Variants in PCDHA10 observed in about 807,000 individuals in gnomAD.
The protein encoded by PCDHA10 is protocadherin alpha-10.
PCDHA10 carries 45 observed loss-of-function variants against 61.2 expected under a neutral mutation model. That is an observed-to-expected ratio of 0.74 (90% CI 0.58 to 0.94). The LOEUF is 0.94. Among genes scored for constraint, PCDHA10 ranks in the 40% least tolerant of loss-of-function variants. The pLI is 0.00. For missense variants in PCDHA10, 1,278 were observed against 1,236.2 expected (o/e 1.03, Z -0.51); for synonymous variants, 602 against 548.8 (o/e 1.10, Z -1.35).
At position 141,010,550 on chromosome 5, in the gene PCDHA10, ACCCC is replaced by A; in HGVS notation, c.*615_*618del. 6.3e-6 allele frequency: 2 copies of A among 316,712 alleles called. No homozygotes were observed. Among genetic ancestry groups the A allele is most frequent in the South Asian group, 1.1e-4 (2 of 17,516 alleles). The allele number at this position is 316,712 out of a possible 1,614,324, so 19.6% of individuals were successfully genotyped here. A position where few individuals can be genotyped will look rare whatever the true frequency, so the allele number is the denominator to read the frequency against. On this transcript the variant is annotated 3_prime_UTR_variant, in exon 4 of 4. Coordinates refer to ENST00000307360, the MANE Select transcript of PCDHA10 (RefSeq NM_018901.4). ...CAGCCACCCTCTAGGAGACAAAACT[ACCCC>A]CACTGACAAGGCTTTAGGAGACCCT...
At chr5:140,870,092 C>T (rs2051656113) in intron 1 of PCDHA10, 2 of 1,613,728 alleles carry the variant, frequency 1.2e-6, no homozygotes, top group African/African-American at 1.3e-5. Context: ...CCCCCAATGG[C>T]AGGTCACTGT....
intron 1 of PCDHA10, chr5:140,869,260 G>A (rs976245495): frequency 6.2e-7 from 1 of 1,613,638 alleles, no homozygotes; most frequent in Non-Finnish European, 8.5e-7. Context: ...GCAGGACCTG[G>A]GGCTGGAGCT....
intron 3 of PCDHA10, among the ~76,000 whole-genome samples, chr5:140,998,872 T>C (rs1159101161): frequency 6.6e-6 from 1 of 152,202 alleles, no homozygotes; most frequent in African/African-American, 2.4e-5. Flanking sequence ...TTGTAAATAA[T>C]AAGTTTAGTT....
chr5:140,862,794 G>A (rs1554156969), intron 1 of PCDHA10: 1 of 575,742 alleles, frequency 1.7e-6, no homozygotes, highest in Non-Finnish European at 3.3e-6. Flanking sequence ...ACTACGAGGA[G>A]CTGGAGCTGC....
Position 140,995,490 on chromosome 5 carries a change from A to C in PCDHA10, c.2536+12927A>C, listed in dbSNP as rs181247682. Among the ~76,000 whole-genome samples the C allele has an allele frequency of 2.7e-3, 416 of 152,304 alleles. 1 individual carries two copies. The highest frequency in any genetic ancestry group is 4.2e-3 in the Non-Finnish European group (283 of 68,028). ...ATTTTTCATTTAATATTTTCAGACT[A>C]AGGTTGACTGTGGGTAACTGAAGCC... is the stretch of plus-strand genomic sequence containing the variant. On this transcript the variant is annotated intron_variant, in intron 3 of 3. Transcript: ENST00000307360.
At position 140,999,690 on chromosome 5, in the gene PCDHA10, G is replaced by A. The variant is rs113599808; in HGVS notation, c.2537-9937G>A. Among the ~76,000 whole-genome samples the A allele has an allele frequency of 6.4e-3, 977 of 152,230 alleles. 14 individuals are homozygous for A. Among genetic ancestry groups the A allele is most frequent in the African/African-American group, 0.023 (950 of 41,554 alleles). Reference sequence around the variant, plus strand: ...CGGGGGGCTCACAGAAAGAAGAAATGTGATTTTTTTTTAGCTAACTACGGA... The same window carrying A: ...CGGGGGGCTCACAGAAAGAAGAAATATGATTTTTTTTTAGCTAACTACGGA... On this transcript the variant is annotated intron_variant, in intron 3 of 3. Coordinates refer to ENST00000307360, the MANE Select transcript of PCDHA10 (RefSeq NM_018901.4).
intron 1 of PCDHA10, among the ~76,000 whole-genome samples, chr5:140,974,521 G>GT (rs1223492348): frequency 3.0e-4 from 45 of 152,208 alleles, no homozygotes; most frequent in African/African-American, 1.0e-3. Flanking sequence ...TTTTATTTTA[G>GT]TTTTTTTGAG....
At chr5:140,987,022 T>C (rs1218338191) in intron 3 of PCDHA10, among the ~76,000 whole-genome samples, 1 of 152,068 alleles carries the variant, frequency 6.6e-6, no homozygotes, top group African/African-American at 2.4e-5. Flanking sequence ...GAGACCAGCC[T>C]GGTCAACATG....
chr5:140,878,040 C>T, intron 1 of PCDHA10: 1 of 533,272 alleles, frequency 1.9e-6, no homozygotes, highest in Non-Finnish European at 3.0e-6. Flanking sequence ...ACAATGGAGG[C>T]CATGGAGCAC....
chr5:140,966,313 C>G, intron 1 of PCDHA10: 1 of 386,824 alleles, frequency 2.6e-6, no homozygotes. Flanking sequence ...CGTGTTCCTG[C>G]GGTCCGCTGG....
At chr5:140,919,166 GT>G (rs1382267419) in intron 1 of PCDHA10, among the ~76,000 whole-genome samples, 15 of 152,114 alleles carry the variant, frequency 9.9e-5, no homozygotes, top group Admixed American at 9.8e-4. Context: ...TATGTTTTTA[GT>G]TGCTATATCT....
chr5:140,882,985 C>T (rs1554176359), intron 1 of PCDHA10: 14 of 1,614,110 alleles, frequency 8.7e-6, no homozygotes, highest in Non-Finnish European at 1.1e-5. Flanking sequence ...ATGACAACGC[C>T]CCGGAATTTT....
At chr5:140,876,577 A>T in intron 1 of PCDHA10, 2 of 1,614,182 alleles carry the variant, frequency 1.2e-6, no homozygotes, top group Non-Finnish European at 1.7e-6. Flanking sequence ...GGGTACCGTC[A>T]TTGCCCTGAT....
intron 1 of PCDHA10, among the ~76,000 whole-genome samples, chr5:140,880,149 A>G (rs1347832078): frequency 1.3e-5 from 2 of 152,266 alleles, no homozygotes; most frequent in Non-Finnish European, 2.9e-5. Flanking sequence ...AGTGCAATAT[A>G]TCAAGTATAT....
chr5:140,876,190 C>A (rs782463342), intron 1 of PCDHA10: 1 of 1,613,936 alleles, frequency 6.2e-7, no homozygotes, highest in Non-Finnish European at 8.5e-7. Context: ...TGACAATGGT[C>A]CGGCGTTTGA....
At chr5:140,882,950 C>G (rs1197710877) in intron 1 of PCDHA10, 1 of 1,614,098 alleles carries the variant, frequency 6.2e-7, no homozygotes, top group Non-Finnish European at 8.5e-7. Context: ...CACAGTTCAG[C>G]TGCTCATCAC....
chr5:140,951,084 T>C (rs190031878), intron 1 of PCDHA10, among the ~76,000 whole-genome samples: 2 of 152,168 alleles, frequency 1.3e-5, no homozygotes, highest in African/African-American at 4.8e-5. Context: ...ATATTTTCCT[T>C]TTTTTCTGAT....
intron 1 of PCDHA10, chr5:140,861,255 C>T (rs533071435): frequency 3.0e-5 from 5 of 166,616 alleles, no homozygotes; most frequent in African/African-American, 4.8e-5. Context: ...GGCCAGGAAT[C>T]CCGGAGCCTA....
intron 1 of PCDHA10, among the ~76,000 whole-genome samples, chr5:140,955,987 A>T (rs1185683030): frequency 6.6e-6 from 1 of 152,198 alleles, no homozygotes; most frequent in Non-Finnish European, 1.5e-5. Context: ...CAATTTTTGC[A>T]CATTGATTTT....
Sources: allele counts gnomAD v4.1 joint callset (sites outside exome capture counted in the v4.1 genomes callset), GRCh38; gene constraint gnomAD v4.1.1; transcripts MANE v1.5; gene names NCBI Gene and HGNC (gene_info 2026-07-23, HGNC 2026-07-21).